Variants in ZNF664 observed in about 807,000 individuals in gnomAD.
ZNF664 encodes zinc finger protein 664.
A neutral mutation model predicts 18.2 loss-of-function variants in ZNF664; 10 were observed. That is an observed-to-expected ratio of 0.55 (90% CI 0.34 to 0.93). The LOEUF (loss-of-function observed/expected upper bound fraction) is 0.93, where lower values mean the gene tolerates loss of function less well. ZNF664 is among the 40% of genes least tolerant of loss of function. The pLI is 0.02. For missense variants in ZNF664, 193 were observed against 319.0 expected (o/e 0.61, Z 3.01); for synonymous variants, 119 against 104.2 (o/e 1.14, Z -0.86).
Position 124,014,050 on chromosome 12 carries a change from C to T in ZNF664, c.*1120C>T, listed in dbSNP as rs1323165221. 6.0e-6 allele frequency: 1 copy of T among 167,080 alleles called. No homozygotes were observed. Among genetic ancestry groups the T allele is most frequent in the African/African-American group, 2.4e-5 (1 of 41,434 alleles). 10.3% of individuals were successfully genotyped at this position (167,080 alleles called of 1,614,324 possible). ...ATACCACTGATGAGACAGACAAGGT[C>T]CCTACTCTTGTGGAGTTTACTTCTG... is the stretch of plus-strand genomic sequence containing the variant. On this transcript the variant is annotated 3_prime_UTR_variant, in exon 5 of 5. Transcript: ENST00000337815.
At chr12:124,002,614 G>A (rs1424962204) in intron 3 of ZNF664, among the ~76,000 whole-genome samples, 2 of 152,116 alleles carry the variant, frequency 1.3e-5, no homozygotes, top group African/African-American at 4.8e-5. Context: ...GTTGTGGAGA[G>A]GAGGTAGAGT....
intron 2 of ZNF664, among the ~76,000 whole-genome samples, chr12:123,981,146 A>G (rs1455152940): frequency 6.6e-6 from 1 of 152,198 alleles, no homozygotes; most frequent in African/African-American, 2.4e-5. Flanking sequence ...GAGACAATGC[A>G]GGTACACAGT....
chr12:123,994,360 A>G (rs1417476243), intron 3 of ZNF664, among the ~76,000 whole-genome samples: 2 of 152,232 alleles, frequency 1.3e-5, no homozygotes, highest in African/African-American at 4.8e-5. Flanking sequence ...AATGAAGACT[A>G]AAGTTTTATG....
Position 124,012,254 on chromosome 12 carries a change from A to G in ZNF664, c.110A>G (p.Asp37Gly), listed in dbSNP as rs768907740. ...AEKPHKCDKCDKGFFHISELH... is the reference protein window; with the variant it reads ...AEKPHKCDKCGKGFFHISELH... The stretch of plus-strand genomic sequence containing the variant: ...AAGCCCCATAAATGTGACAAGTGTG[A>G]TAAGGGTTTCTTTCATATATCAGAA... Residue 37 changes from aspartate (D) to glycine (G), a missense_variant, in exon 5 of 5, where the codon GAT becomes GGT. Around this residue, in one of 3 missense-constraint regions of ZNF664, gnomAD observed 90 missense variants for 118.9 expected, o/e 0.76. Coordinates refer to ENST00000337815, the MANE Select transcript of ZNF664 (RefSeq NM_152437.3). 6.8e-6 allele frequency: 11 copies of G among 1,614,124 alleles called. No individual in the cohort carries two copies. The African/African-American group carries it at 1.3e-4, about 20-fold the overall frequency.
rs545683767 is a variant in ZNF664, at chr12:124,001,101, T to C, written c.-660-10280T>C. On this transcript the variant is annotated intron_variant, in intron 3 of 4. Coordinates refer to ENST00000337815, the MANE Select transcript of ZNF664 (RefSeq NM_152437.3). ...CTCCATCTCCATCCAGTTATTCAAA[T>C]AAAAGACCTGGGGGTCATCCTTGGC... Among the ~76,000 whole-genome samples, 107 of 152,310 alleles carry C rather than the reference T, an allele frequency of 7.0e-4. 1 individual carries two copies. Among genetic ancestry groups the C allele is most frequent in the African/African-American group, 2.3e-3 (97 of 41,574 alleles).
Position 124,013,237 on chromosome 12 carries a change from C to A in ZNF664, c.*307C>A. 2.6e-6 allele frequency: 1 copy of A among 383,052 alleles called. No homozygotes were observed. The highest frequency in any genetic ancestry group is 4.4e-5 in the Admixed American group (1 of 22,738). The allele number at this position is 383,052 out of a possible 1,614,324, so 23.7% of individuals were successfully genotyped here. A position where few individuals can be genotyped will look rare whatever the true frequency, so the allele number is the denominator to read the frequency against. ...TACACAAAAAGCCACAATCATTGCC[C>A]GGCCTCCTGAGTCACCTTCTATCTA... On this transcript the variant is annotated 3_prime_UTR_variant, in exon 5 of 5. Coordinates refer to ENST00000337815, the MANE Select transcript of ZNF664 (RefSeq NM_152437.3).
At chr12:123,993,220 T>C (rs1010452303) in intron 3 of ZNF664, among the ~76,000 whole-genome samples, 1 of 152,134 alleles carries the variant, frequency 6.6e-6, no homozygotes, top group Admixed American at 6.5e-5. Context: ...CCTGTTATCA[T>C]TGAGGTGGCC....
chr12:123,991,066 C>T (rs1420286852), intron 3 of ZNF664, among the ~76,000 whole-genome samples: 1 of 152,180 alleles, frequency 6.6e-6, no homozygotes, highest in African/African-American at 2.4e-5. Flanking sequence ...AGATTTTGAA[C>T]TTAGGCCTTT....
At chr12:123,980,080 C>G (rs965128568) in intron 2 of ZNF664, among the ~76,000 whole-genome samples, 1 of 152,080 alleles carries the variant, frequency 6.6e-6, no homozygotes, top group Non-Finnish European at 1.5e-5. Flanking sequence ...CAAGCTTAAT[C>G]TCATTTTTTG....
intron 2 of ZNF664, among the ~76,000 whole-genome samples, chr12:123,983,357 T>A (rs190012147): frequency 6.6e-6 from 1 of 152,330 alleles, no homozygotes; most frequent in East Asian, 1.9e-4. Flanking sequence ...GCTAAAACAT[T>A]TCTACACCTT....
chr12:123,974,710 A>AAG (rs1160175106), intron 2 of ZNF664, among the ~76,000 whole-genome samples: 1 of 152,210 alleles, frequency 6.6e-6, no homozygotes, highest in Non-Finnish European at 1.5e-5. Flanking sequence ...TGTGCACTTA[A>AAG]CATCATTTTT....
rs1010886546 is a variant in ZNF664 at position 123,987,101 on chromosome 12, A to G, written c.-756-942A>G. Reference sequence around the variant, plus strand: ...AATGATATAGCAACTTCAGATAGCTATTAGCAAGATGGATCATTCTAACCA... The same window carrying G: ...AATGATATAGCAACTTCAGATAGCTGTTAGCAAGATGGATCATTCTAACCA... On this transcript the variant is annotated intron_variant, in intron 2 of 4. Transcript: ENST00000337815. 1.3e-4 allele frequency among the ~76,000 whole-genome samples: 20 copies of G among 152,220 alleles called. 1 individual carries two copies. The highest frequency in any genetic ancestry group is 1.9e-4 in the East Asian group (1 of 5,202).
intron 2 of ZNF664, among the ~76,000 whole-genome samples, chr12:123,985,144 A>G (rs1956809365): frequency 6.6e-6 from 1 of 152,098 alleles, no homozygotes; most frequent in Admixed American, 6.5e-5. Flanking sequence ...GAAAGTGAGA[A>G]GAGTGAATTG....
intron 3 of ZNF664, among the ~76,000 whole-genome samples, chr12:124,005,487 G>GTGTA: frequency 8.3e-6 from 1 of 120,608 alleles, no homozygotes; most frequent in Non-Finnish European, 1.8e-5. Flanking sequence ...TATAGAATGT[G>GTGTA]TGTGTGTGTG....
intron 2 of ZNF664, among the ~76,000 whole-genome samples, chr12:123,984,718 T>G (rs907483132): frequency 1.3e-5 from 2 of 151,884 alleles, no homozygotes; most frequent in Admixed American, 6.6e-5. Context: ...AAGTAGTGAT[T>G]TTCAGTTTAT....
At chr12:123,998,431 A>G (rs1956974905) in intron 3 of ZNF664, 1 of 152,302 alleles carries the variant, frequency 6.6e-6, no homozygotes, top group Non-Finnish European at 1.5e-5. Context: ...CACTCCAGAT[A>G]AGAGTTTCTG....
At chr12:123,990,692 G>A (rs1264835486) in intron 3 of ZNF664, among the ~76,000 whole-genome samples, 1 of 152,178 alleles carries the variant, frequency 6.6e-6, no homozygotes. Context: ...GCTAGTTCCT[G>A]CCTGACCTCA....
At chr12:123,987,293 TC>T (rs1242528857) in intron 2 of ZNF664, among the ~76,000 whole-genome samples, 1 of 152,180 alleles carries the variant, frequency 6.6e-6, no homozygotes, top group Non-Finnish European at 1.5e-5. Flanking sequence ...ATATCATAAC[TC>T]CCAGGGGAAA....
chr12:123,974,213 G>C (rs1956650896), intron 2 of ZNF664, 193 bp downstream of exon 2: 2 of 412,392 alleles, frequency 4.8e-6, no homozygotes, highest in Non-Finnish European at 4.2e-6. Flanking sequence ...CCAGAACTCA[G>C]CTCCTTTGTG....
Sources: allele counts gnomAD v4.1 joint callset (sites outside exome capture counted in the v4.1 genomes callset), GRCh38; gene constraint gnomAD v4.1.1; regional missense constraint gnomAD v4.1.1; transcripts MANE v1.5; gene names NCBI Gene and HGNC (gene_info 2026-07-23, HGNC 2026-07-21).